The following ECPAS variants were observed in gnomAD, a reference collection of about 807,000 sequenced individuals.
The protein encoded by ECPAS is proteasome adapter and scaffold protein ECM29.
In ECPAS, 70 loss-of-function variants were observed where a neutral mutation model predicts 255.1. The ratio of observed to expected loss-of-function variants is 0.27; its 90% confidence interval spans 0.23 to 0.33. ECPAS has a LOEUF of 0.33. Ranked by LOEUF, ECPAS falls within the 10% of genes least tolerant of loss-of-function variation. ECPAS has a pLI of 1.00. For missense variants in ECPAS, 1,817 were observed against 2,206.4 expected (o/e 0.82, Z 3.54); for synonymous variants, 784 against 775.0 (o/e 1.01, Z -0.19).
At chr9:111,385,131 C>CT (rs1589129704) in intron 33 of ECPAS, among the ~76,000 whole-genome samples, 3 of 151,956 alleles carry the variant, frequency 2.0e-5, no homozygotes, top group East Asian at 3.9e-4. Context: ...ATACAGCCAC[C>CT]TTTTTTTTCC....
In ECPAS at chr9:111,442,388, G is replaced by A; in HGVS notation, c.307C>T (p.Arg103Cys). 5 of 1,611,860 alleles carry A rather than the reference G, an allele frequency of 3.1e-6. No homozygotes were observed. The highest frequency in any genetic ancestry group is 3.4e-6 in the Non-Finnish European group (4 of 1,178,648). ...TCACATTGTTTTTCCACTGGTAGGC[G>A]AGGATAGCCCATTTTAACATAAATT... ...TIIYVKMGYPRLPVEKQCELA... is the reference protein window; with the variant it reads ...TIIYVKMGYPCLPVEKQCELA... The change falls in exon 5 of 50, where the codon CGC (arginine) becomes TGC (cysteine). Residue 103 changes from arginine (R) to cysteine (C), a missense_variant. Arg to Cys is a radical substitution (Grantham distance 180). Coordinates refer to ENST00000684092, the MANE Select transcript of ECPAS (RefSeq NM_001364929.1).
Position 111,440,293 on chromosome 9 carries a change from G to A in ECPAS, c.539+79C>T, listed in dbSNP as rs2131894266. The A allele has an allele frequency of 2.3e-6, 3 of 1,303,986 alleles. No individual in the cohort carries two copies. The Admixed American group carries it at 7.2e-5, about 31-fold the overall frequency. The allele number at this position is 1,303,986 out of a possible 1,614,324, so 80.8% of individuals were successfully genotyped here. A position where few individuals can be genotyped will look rare whatever the true frequency, so the allele number is the denominator to read the frequency against. On this transcript the variant is annotated intron_variant, in intron 6 of 49. Transcript: ENST00000684092. ...GAGATGCATTCATTTACTAGTGAGAGTTTAATCATTTAAAATAGTACTTAA... is the reference window on the plus strand; with the variant it reads ...GAGATGCATTCATTTACTAGTGAGAATTTAATCATTTAAAATAGTACTTAA...
At chr9:111,458,969 T>C (rs2098270118) in intron 2 of ECPAS, among the ~76,000 whole-genome samples, 1 of 152,080 alleles carries the variant, frequency 6.6e-6, no homozygotes, top group South Asian at 2.1e-4. Flanking sequence ...TGATTAAACC[T>C]GAGGGGGTCC....
intron 25 of ECPAS, among the ~76,000 whole-genome samples, chr9:111,395,423 C>T (rs908839182): frequency 6.6e-6 from 1 of 152,104 alleles, no homozygotes; most frequent in Admixed American, 6.5e-5. Flanking sequence ...ACATAGAACA[C>T]GCATGATCAA....
chr9:111,370,799 G>A (rs368637045), intron 43 of ECPAS, 34 bp from the exon 44 acceptor site: 2 of 1,559,962 alleles, frequency 1.3e-6, no homozygotes, highest in South Asian at 1.2e-5. Flanking sequence ...ATACTATTAA[G>A]CCCAAACATG....
intron 27 of ECPAS, 123 bp downstream of exon 27, chr9:111,393,557 G>A (rs2098163336): frequency 2.9e-6 from 2 of 682,098 alleles, no homozygotes; most frequent in Admixed American, 3.0e-5. Context: ...TAACAAATAA[G>A]GTTTAATAAT....
chr9:111,391,581 CAA>C (rs367705478), intron 29 of ECPAS, among the ~76,000 whole-genome samples, 173 bp downstream of exon 29: 34 of 104,226 alleles, frequency 3.3e-4, no homozygotes, highest in Admixed American at 6.2e-4. Flanking sequence ...GGCTCCATCT[CAA>C]AAAAAAAAAA....
intron 1 of ECPAS, among the ~76,000 whole-genome samples, chr9:111,478,575 C>A (rs1008545771): frequency 2.3e-4 from 35 of 152,022 alleles, no homozygotes; most frequent in Non-Finnish European, 3.8e-4. Context: ...TAAAAGAGAA[C>A]CCTAACAGTC....
At chr9:111,479,655 C>T (rs538226138) in intron 1 of ECPAS, among the ~76,000 whole-genome samples, 4 of 152,024 alleles carry the variant, frequency 2.6e-5, no homozygotes, top group East Asian at 1.9e-4. Flanking sequence ...TATTTTACTA[C>T]TATTTTTTAA....
chr9:111,363,639 C>A lies in ECPAS; in HGVS notation c.5329G>T (p.Val1777Leu). Residue 1777 changes from valine to leucine, a missense_variant, in exon 49 of 50, where the codon GTG becomes TTG. Val to Leu is a conservative substitution (Grantham distance 32). Around this residue, in one of 4 missense-constraint regions of ECPAS, gnomAD observed 960 missense variants for 1,179.0 expected, o/e 0.81. Transcript: ENST00000684092. ...YSLENKTYSS[V>L]RTEALSVIEL... is the part of the protein sequence containing the mutation. Reference sequence around the variant, plus strand: ...ATCACAGATAAAGCTTCTGTTCTCACAGATGAGTAGGTCTTATTTTCTAAA... The same window carrying A: ...ATCACAGATAAAGCTTCTGTTCTCAAAGATGAGTAGGTCTTATTTTCTAAA... 1 of 1,546,860 alleles carries A rather than the reference C, an allele frequency of 6.5e-7. No homozygotes were observed. Among genetic ancestry groups the A allele is most frequent in the Non-Finnish European group, 8.8e-7 (1 of 1,139,728 alleles).
chr9:111,432,802 G>A (rs551584083), intron 8 of ECPAS, among the ~76,000 whole-genome samples: 1 of 152,130 alleles, frequency 6.6e-6, no homozygotes, highest in African/African-American at 2.4e-5. Flanking sequence ...CCTCGTGTGT[G>A]AATTAGAATC....
At chr9:111,481,818 G>A (rs1439086105) in intron 1 of ECPAS, among the ~76,000 whole-genome samples, 1 of 152,186 alleles carries the variant, frequency 6.6e-6, no homozygotes, top group African/African-American at 2.4e-5. Context: ...GAACCTTGAG[G>A]ACATTATGCT....
At chr9:111,481,169 T>C (rs1158458669) in intron 1 of ECPAS, among the ~76,000 whole-genome samples, 1 of 152,168 alleles carries the variant, frequency 6.6e-6, no homozygotes, top group African/African-American at 2.4e-5. Flanking sequence ...GTATTGTTGG[T>C]GGTAATGTAA....
chr9:111,439,920 T>C (rs1365241324), intron 6 of ECPAS, among the ~76,000 whole-genome samples: 2 of 152,064 alleles, frequency 1.3e-5, no homozygotes, highest in Non-Finnish European at 2.9e-5. Context: ...AAGGAGGCAT[T>C]ATGCAAATGA....
Position 111,397,161 on chromosome 9 carries a change from G to C in ECPAS, c.2653-8C>G. The C allele has an allele frequency of 1.9e-6, 3 of 1,612,958 alleles. No homozygotes were observed. Among genetic ancestry groups the C allele is most frequent in the Middle Eastern group, 3.3e-4 (2 of 6,058 alleles). On this transcript the variant is annotated splice_region_variant and splice_polypyrimidine_tract_variant and intron_variant, in intron 24 of 49. Coordinates refer to ENST00000684092, the MANE Select transcript of ECPAS (RefSeq NM_001364929.1). ...AAGTTCTATCTGCTTGGCCTGCAAC[G>C]AAGGAAGTAAAAACCATGAATGAGA...
intron 32 of ECPAS, among the ~76,000 whole-genome samples, chr9:111,386,164 A>C (rs1385558623): frequency 6.6e-6 from 1 of 152,172 alleles, no homozygotes; most frequent in Non-Finnish European, 1.5e-5. Flanking sequence ...GGGTTTCACC[A>C]TGTTGCCCAC....
intron 1 of ECPAS, among the ~76,000 whole-genome samples, chr9:111,480,987 C>G (rs2418165): frequency 0.064 from 9,775 of 152,246 alleles, 464 homozygotes; most frequent in East Asian, 0.21. Flanking sequence ...TAGTTTTGTT[C>G]CCATTCCTGC....
intron 35 of ECPAS, among the ~76,000 whole-genome samples, chr9:111,382,181 C>T (rs976066964): frequency 2.0e-5 from 3 of 151,696 alleles, no homozygotes; most frequent in East Asian, 1.9e-4. Context: ...AAGTTCTCTT[C>T]AGCCATTCAC....
chr9:111,373,104 T>C, intron 41 of ECPAS, 66 bp downstream of exon 41: 4 of 1,206,344 alleles, frequency 3.3e-6, no homozygotes, highest in Non-Finnish European at 4.9e-6. Context: ...AGACCTAATT[T>C]GTACTGTTTT....
Sources: allele counts gnomAD v4.1 joint callset (sites outside exome capture counted in the v4.1 genomes callset), GRCh38; gene constraint gnomAD v4.1.1; regional missense constraint gnomAD v4.1.1; transcripts MANE v1.5; gene names NCBI Gene and HGNC (gene_info 2026-07-23, HGNC 2026-07-21).